Variants in PRRC2B observed in about 807,000 individuals in gnomAD.
The protein encoded by PRRC2B is protein PRRC2B.
In PRRC2B, 68 loss-of-function variants were observed where a neutral mutation model predicts 242.3. The observed-to-expected ratio is 0.28, with a 90% CI of 0.23 to 0.34. The LOEUF is 0.34. Ranked by LOEUF, PRRC2B falls within the 10% of genes least tolerant of loss-of-function variation. The probability of loss-of-function intolerance (pLI) is 1.00; values close to 1 mark genes in which losing one functional copy is unlikely to be tolerated. For synonymous variants in PRRC2B, 1,228 were observed against 1,173.6 expected (o/e 1.05, Z -0.95); for missense variants, 2,835 against 2,954.8 (o/e 0.96, Z 0.94).
intron 3 of PRRC2B, among the ~76,000 whole-genome samples, chr9:131,433,767 A>G (rs1323196730): frequency 6.6e-6 from 1 of 152,220 alleles, no homozygotes; most frequent in Admixed American, 6.5e-5. Flanking sequence ...TCCTTTTCTT[A>G]CAAGTCTGTG....
intron 1 of PRRC2B, among the ~76,000 whole-genome samples, chr9:131,398,454 G>C (rs1255960244): frequency 6.6e-6 from 1 of 152,216 alleles, no homozygotes; most frequent in African/African-American, 2.4e-5. Context: ...CCTATCTCAA[G>C]TTGCTGGCGG....
chr9:131,436,760 A>G, intron 4 of PRRC2B, 38 bp downstream of exon 4: 2 of 1,524,390 alleles, frequency 1.3e-6, no homozygotes, highest in Non-Finnish European at 9.1e-7. Context: ...TTTCCTGGGC[A>G]TGGTAGCCCC....
chr9:131,449,187 A>G (rs1459131999), intron 9 of PRRC2B, among the ~76,000 whole-genome samples: 1 of 152,230 alleles, frequency 6.6e-6, no homozygotes, highest in African/African-American at 2.4e-5. Flanking sequence ...CACTATATAC[A>G]TCATACTTCT....
chr9:131,450,146 G>A (rs951524533), intron 9 of PRRC2B, among the ~76,000 whole-genome samples: 6 of 152,102 alleles, frequency 3.9e-5, no homozygotes, highest in South Asian at 2.1e-4. Context: ...CAACTTTGTC[G>A]TTTTCCAAGA....
intron 9 of PRRC2B, among the ~76,000 whole-genome samples, chr9:131,448,525 C>CAGAGGG (rs1838880589): frequency 1.3e-5 from 1 of 77,148 alleles, no homozygotes; most frequent in Non-Finnish European, 2.5e-5. Context: ...GCTTGGGCGA[C>CAGAGGG]AGAGGGAGAC....
upstream of PRRC2B, among the ~76,000 whole-genome samples, chr9:131,393,103 T>TG (rs1836932506): frequency 6.6e-6 from 1 of 152,162 alleles, no homozygotes; most frequent in Non-Finnish European, 1.5e-5. Flanking sequence ...ATTTTCCTTC[T>TG]GGGTCCAGCA....
chr9:131,388,934 G>A (rs1185095505), intron 1 of PRRC2B, among the ~76,000 whole-genome samples: 4 of 144,070 alleles, frequency 2.8e-5, no homozygotes, highest in Non-Finnish European at 4.5e-5. Context: ...TCCCCCTCCC[G>A]GATTCAACCA....
At position 131,496,346 on chromosome 9, in the gene PRRC2B, G is replaced by A. The variant is rs551594991; in HGVS notation, c.*472G>A. The A allele has an allele frequency of 5.4e-4, 86 of 158,948 alleles. No homozygotes were observed. The highest frequency in any genetic ancestry group is 1.9e-3 in the African/African-American group (81 of 41,676). The allele number at this position is 158,948 out of a possible 1,614,324, so 9.8% of individuals were successfully genotyped here. A position where few individuals can be genotyped will look rare whatever the true frequency, so the allele number is the denominator to read the frequency against. The stretch of plus-strand genomic sequence containing the variant: ...GGGGAAAGGAAAAGAAAACAAAAAC[G>A]CAAGCTCCATGTGTATAGCTGAACT... On this transcript the variant is annotated 3_prime_UTR_variant, in exon 32 of 32. Coordinates refer to ENST00000683519, the MANE Select transcript of PRRC2B (RefSeq NM_013318.4).
Position 131,459,195 on chromosome 9 carries a change from T to C in PRRC2B, c.1243T>C (p.Leu415=). 1.3e-5 allele frequency: 21 copies of C among 1,613,998 alleles called. No individual in the cohort carries two copies. The highest frequency in any genetic ancestry group is 1.8e-5 in the Non-Finnish European group (21 of 1,179,880). ...TTGGGACCCTAGGAGGCAGCGGCAG[T>C]TGTCAATGAGCTCTGCAGACAGTGC... The part of the protein sequence containing the change: ...NSWDPRRQRQ[L]SMSSADSADA... The change falls in exon 11 of 32, where the codon TTG becomes CTG. Residue 415 remains leucine, a synonymous_variant. Coordinates refer to ENST00000683519, the MANE Select transcript of PRRC2B (RefSeq NM_013318.4).
At chr9:131,392,155 G>C (rs893241086), upstream of PRRC2B, among the ~76,000 whole-genome samples, 7 of 150,974 alleles carry the variant, frequency 4.6e-5, no homozygotes, top group African/African-American at 1.7e-4. Context: ...CTGGAGTGCA[G>C]TGGCATGATC....
chr9:131,396,410 C>T (rs1282621056), intron 1 of PRRC2B, among the ~76,000 whole-genome samples: 2 of 151,014 alleles, frequency 1.3e-5, no homozygotes, highest in Admixed American at 1.3e-4. Flanking sequence ...ACTGCAACCT[C>T]CGCCTCCTGG....
chr9:131,483,397 T>C lies in PRRC2B; in HGVS notation c.5412T>C (p.Gly1804=). The change falls in exon 23 of 32, where the codon GGT becomes GGC. Residue 1804 remains glycine, a synonymous_variant. Transcript: ENST00000683519. ...GCTTGCCACCTGGTTCTGCCTCTGGTCCTACTGGGAGTCCAGTTGTTAAAC... is the reference window on the plus strand; with the variant it reads ...GCTTGCCACCTGGTTCTGCCTCTGGCCCTACTGGGAGTCCAGTTGTTAAAC... The part of the protein sequence containing the change: ...DFSLPPGSAS[G]PTGSPVVKLQ... The C allele has an allele frequency of 6.2e-7, 1 of 1,613,944 alleles. No homozygotes were observed.
At chr9:131,410,933 T>G (rs942425476) in intron 1 of PRRC2B, among the ~76,000 whole-genome samples, 1 of 152,148 alleles carries the variant, frequency 6.6e-6, no homozygotes, top group Non-Finnish European at 1.5e-5. Context: ...CGTTAGGAAT[T>G]TGGTTTTTAG....
chr9:131,463,823 G>A (rs370231801), intron 11 of PRRC2B, among the ~76,000 whole-genome samples: 10 of 151,870 alleles, frequency 6.6e-5, no homozygotes, highest in African/African-American at 2.2e-4. Context: ...GGTAAATACG[G>A]GGTCTCACCA....
intron 1 of PRRC2B, among the ~76,000 whole-genome samples, chr9:131,387,408 CA>C (rs35873114): frequency 0.6 from 88,967 of 149,070 alleles, 29,611 homozygotes; most frequent in East Asian, 0.9. Context: ...GCCACTGACT[CA>C]AATGTTAATC....
chr9:131,450,196 A>G (rs1205403118), intron 9 of PRRC2B, among the ~76,000 whole-genome samples: 1 of 152,154 alleles, frequency 6.6e-6, no homozygotes, highest in Non-Finnish European at 1.5e-5. Context: ...GTCAGTATTT[A>G]CAAAGGGCCT....
Position 131,495,857 on chromosome 9 carries a change from G to C in PRRC2B, c.6673G>C (p.Glu2225Gln). Reference sequence around the variant, plus strand: ...GATCAAGCCTCGGGCTGTCAAAGTGGAGGAGAGTAAGGCCTGACAGTGCCT... The same window carrying C: ...GATCAAGCCTCGGGCTGTCAAAGTGCAGGAGAGTAAGGCCTGACAGTGCCT... The part of the protein sequence containing the change: ...GAIKPRAVKV[E>Q]ESKA Residue 2225 changes from glutamate (E) to glutamine (Q), a missense_variant, in exon 32 of 32, where the codon GAG becomes CAG. Physicochemically the swap from Glu to Gln is conservative, Grantham distance 29 (BLOSUM62 2). Around this residue, in one of 7 missense-constraint regions of PRRC2B, gnomAD observed 574 missense variants for 626.0 expected, o/e 0.92. Transcript: ENST00000683519. 1 of 1,609,122 alleles carries C rather than the reference G, an allele frequency of 6.2e-7. No homozygotes were observed. The highest frequency in any genetic ancestry group is 8.5e-7 in the Non-Finnish European group (1 of 1,176,156).
chr9:131,447,913 G>A (rs1838857386), intron 9 of PRRC2B, 109 bp downstream of exon 9: 11 of 1,227,516 alleles, frequency 9.0e-6, no homozygotes, highest in Non-Finnish European at 1.2e-5. Context: ...TGGCAAGATA[G>A]GGATGAAGAG....
intron 28 of PRRC2B, 92 bp downstream of exon 28, chr9:131,488,188 C>T: frequency 6.8e-7 from 1 of 1,479,864 alleles, no homozygotes; most frequent in South Asian, 1.4e-5. Context: ...TGTGTGCTGG[C>T]CTATCGTGCT....
Sources: allele counts gnomAD v4.1 joint callset (sites outside exome capture counted in the v4.1 genomes callset), GRCh38; gene constraint gnomAD v4.1.1; regional missense constraint gnomAD v4.1.1; transcripts MANE v1.5; gene names NCBI Gene and HGNC (gene_info 2026-07-23, HGNC 2026-07-21).